The following FBXL2 variants were observed in gnomAD, a reference collection of about 807,000 sequenced individuals.
The protein encoded by FBXL2 is F-box and leucine rich repeat protein 2.
A neutral mutation model predicts 69.2 loss-of-function variants in FBXL2; 38 were observed. That is an observed-to-expected ratio of 0.55 (90% CI 0.42 to 0.72). The LOEUF (loss-of-function observed/expected upper bound fraction) is 0.72. Among genes scored for constraint, FBXL2 ranks in the 30% least tolerant of loss-of-function variants. The pLI is 0.00. For missense variants in FBXL2, 354 were observed against 520.3 expected, an observed-to-expected ratio of 0.68 and a Z score of 3.11; for synonymous variants, 192 against 201.3, an observed-to-expected ratio of 0.95 and a Z score of 0.39.
At chr3:33,395,750 G>GAAAAAAA (rs61654235) in intron 12 of FBXL2, among the ~76,000 whole-genome samples, 2,157 of 65,120 alleles carry the variant, frequency 0.033, no homozygotes, top group Non-Finnish European at 0.039. Context: ...CAGGAAAATT[G>GAAAAAAA]AAAAAAAAAA....
At chr3:33,396,992 A>T in intron 12 of FBXL2, 8 of 1,520,402 alleles carry the variant, frequency 5.3e-6, no homozygotes, top group Admixed American at 1.7e-5. Flanking sequence ...CAAATTCCCC[A>T]CGCGAAGAAA....
chr3:33,408,070 A>G (rs2044474503), downstream of FBXL2, among the ~76,000 whole-genome samples: 1 of 152,176 alleles, frequency 6.6e-6, no homozygotes, highest in South Asian at 2.1e-4. Context: ...GGCCTGAAGC[A>G]TTAATTCACA....
At chr3:33,352,953 A>G (rs962141321) in intron 2 of FBXL2, among the ~76,000 whole-genome samples, 11 of 151,910 alleles carry the variant, frequency 7.2e-5, no homozygotes, top group Admixed American at 3.9e-4. Flanking sequence ...AGTGAGAAAT[A>G]ACTCAATTTT....
At chr3:33,319,422 C>T (rs1424149120) in intron 2 of FBXL2, among the ~76,000 whole-genome samples, 1 of 152,148 alleles carries the variant, frequency 6.6e-6, no homozygotes, top group Non-Finnish European at 1.5e-5. Context: ...GAATTTTTAA[C>T]TTTAAGAAAT....
intron 2 of FBXL2, among the ~76,000 whole-genome samples, chr3:33,316,007 C>T (rs1419432448): frequency 1.3e-5 from 2 of 151,150 alleles, no homozygotes; most frequent in Non-Finnish European, 2.9e-5. Context: ...TTCTCATCCC[C>T]AGCCTTTGAC....
chr3:33,342,219 AT>A, intron 2 of FBXL2, among the ~76,000 whole-genome samples: 1 of 151,548 alleles, frequency 6.6e-6, no homozygotes, highest in Admixed American at 6.6e-5. Context: ...GTTAGCCAGG[AT>A]GGTCTTAATC....
chr3:33,416,767 T>C, the FBXL2 span: 1 of 1,612,676 alleles, frequency 6.2e-7, no homozygotes, highest in Admixed American at 1.7e-5. Flanking sequence ...CCTTTACTAA[T>C]TTTCCATTGA....
At chr3:33,304,325 C>T (rs946413561) in intron 2 of FBXL2, among the ~76,000 whole-genome samples, 2 of 152,108 alleles carry the variant, frequency 1.3e-5, no homozygotes, top group Admixed American at 6.6e-5. Context: ...TGATTTCTTG[C>T]TTCTTAAAAC....
At chr3:33,393,919 G>C (rs1448764304) in intron 12 of FBXL2, among the ~76,000 whole-genome samples, 1 of 152,086 alleles carries the variant, frequency 6.6e-6, no homozygotes, top group African/African-American at 2.4e-5. Flanking sequence ...GGACTTTATG[G>C]TATGTAAATT....
downstream of FBXL2, among the ~76,000 whole-genome samples, chr3:33,407,130 C>G (rs1384575938): frequency 6.6e-6 from 1 of 152,118 alleles, no homozygotes; most frequent in Non-Finnish European, 1.5e-5. Context: ...AACAGGTTTT[C>G]AAGATGAGCT....
chr3:33,325,947 G>A (rs559441576), intron 2 of FBXL2, among the ~76,000 whole-genome samples: 4 of 152,078 alleles, frequency 2.6e-5, no homozygotes, highest in Non-Finnish European at 5.9e-5. Flanking sequence ...AATATAGAGA[G>A]TCAAAACCAA....
At chr3:33,406,150 C>G (rs2044414118), downstream of FBXL2, among the ~76,000 whole-genome samples, 1 of 152,192 alleles carries the variant, frequency 6.6e-6, no homozygotes, top group Admixed American at 6.5e-5. Flanking sequence ...ATGGCACACA[C>G]ACACCTGTGG....
In FBXL2 at chr3:33,384,029, T is replaced by C. The variant is rs1197675291; in HGVS notation, c.992T>C (p.Leu331Pro). The C allele has an allele frequency of 6.2e-7, 1 of 1,614,182 alleles. No individual in the cohort carries two copies. Among genetic ancestry groups the C allele is most frequent in the Admixed American group, 1.7e-5 (1 of 60,016 alleles). The change falls in exon 14 of 15, where the codon CTG becomes CCG. Residue 331 changes from leucine (L) to proline (P), a missense_variant. Physicochemically the swap from Leu to Pro is moderately conservative, Grantham distance 98. Coordinates refer to ENST00000484457, the MANE Select transcript of FBXL2 (RefSeq NM_012157.5). ...GAACTCATCACAGATGATGGGATCC[T>C]GCACCTGAGCAACAGTACCTGTGGC... ...HCELITDDGI[L>P]HLSNSTCGHE... is the part of the protein sequence containing the mutation.
intron 13 of FBXL2, among the ~76,000 whole-genome samples, chr3:33,382,288 C>T (rs776367021): frequency 5.3e-5 from 8 of 152,148 alleles, no homozygotes; most frequent in Non-Finnish European, 1.0e-4. Context: ...TGTAGAAAAG[C>T]ACATTTATCA....
intron 2 of FBXL2, among the ~76,000 whole-genome samples, chr3:33,333,832 T>C (rs1349016354): frequency 1.3e-5 from 2 of 152,206 alleles, no homozygotes; most frequent in African/African-American, 4.8e-5. Context: ...CTCGCAGAGA[T>C]TGATTCAGTG....
intron 2 of FBXL2, among the ~76,000 whole-genome samples, chr3:33,355,637 C>T (rs994412614): frequency 4.6e-5 from 7 of 152,168 alleles, no homozygotes; most frequent in African/African-American, 1.4e-4. Context: ...CAAAGACAGA[C>T]TAATGGAGCA....
At chr3:33,322,169 C>G (rs950112687) in intron 2 of FBXL2, among the ~76,000 whole-genome samples, 1 of 147,614 alleles carries the variant, frequency 6.8e-6, no homozygotes, top group Non-Finnish European at 1.5e-5. Flanking sequence ...GCTCTGCCTC[C>G]CGGGTTCACA....
chr3:33,281,544 C>A (rs192950215), intron 1 of FBXL2, among the ~76,000 whole-genome samples: 4 of 152,204 alleles, frequency 2.6e-5, no homozygotes, highest in Admixed American at 2.0e-4. Context: ...ATTTATAATC[C>A]TTTGGGTATA....
Position 33,385,850 on chromosome 3 carries a change from T to C in FBXL2, c.*242T>C, listed in dbSNP as rs2043396995. On this transcript the variant is annotated 3_prime_UTR_variant, in exon 15 of 15. Transcript: ENST00000484457. ...ACATGACAAGTGGTCTCAATGCAGC[T>C]AGGACCATGCCAGAAACCTGGATCT... 2 of 523,738 alleles carry C rather than the reference T, an allele frequency of 3.8e-6. No individual in the cohort carries two copies. The highest frequency in any genetic ancestry group is 1.9e-5 in the African/African-American group (1 of 52,284). 32.4% of individuals were successfully genotyped at this position (523,738 alleles called of 1,614,324 possible). A position where few individuals can be genotyped will look rare whatever the true frequency, so the allele number is the denominator to read the frequency against.
Sources: gnomAD v4.1 joint callset for allele counts (sites outside exome capture counted in the v4.1 genomes callset) on GRCh38, gnomAD v4.1.1 for gene constraint, MANE v1.5 for transcripts, NCBI Gene and HGNC (gene_info 2026-07-23, HGNC 2026-07-21) for gene names.